Variants in NINL observed in about 807,000 individuals in gnomAD.
NINL encodes the protein ninein like.
In NINL, 153 loss-of-function variants were observed where a neutral mutation model predicts 160.3. The observed-to-expected ratio is 0.95, with a 90% CI of 0.84 to 1.09. NINL has a LOEUF of 1.09. Ranked by LOEUF, NINL falls within the 50% of genes least tolerant of loss-of-function variation. The probability of loss-of-function intolerance (pLI) is 0.00; values close to 1 mark genes in which losing one functional copy is unlikely to be tolerated. For synonymous variants in NINL, 800 were observed against 734.8 expected, an observed-to-expected ratio of 1.09 and a Z score of -1.43; for missense variants, 1,829 against 1,764.0, an observed-to-expected ratio of 1.04 and a Z score of -0.66.
chr20:25,546,891 G>C (rs905673432), intron 1 of NINL, among the ~76,000 whole-genome samples: 1 of 152,100 alleles, frequency 6.6e-6, no homozygotes, highest in African/African-American at 2.4e-5. Flanking sequence ...GAGCCATCAA[G>C]AGGCGTCTCA....
At chr20:25,487,095 T>C (rs1601111286) in intron 13 of NINL, among the ~76,000 whole-genome samples, 1 of 152,300 alleles carries the variant, frequency 6.6e-6, no homozygotes, top group East Asian at 1.9e-4. Context: ...AGTTGTGCTG[T>C]GGCATCACCA....
At chr20:25,543,759 A>C (rs1333457857) in intron 1 of NINL, among the ~76,000 whole-genome samples, 1 of 151,972 alleles carries the variant, frequency 6.6e-6, no homozygotes, top group African/African-American at 2.4e-5. Context: ...AACATTTGTA[A>C]CTCCACTTCA....
At chr20:25,472,366 T>TATATATAC (rs35451260) in intron 17 of NINL, among the ~76,000 whole-genome samples, 4 of 125,858 alleles carry the variant, frequency 3.2e-5, no homozygotes, top group Non-Finnish European at 6.7e-5. Flanking sequence ...TATATATATA[T>TATATATAC]ACTTTTTTTT....
At chr20:25,533,909 T>C (rs1024075495) in intron 1 of NINL, among the ~76,000 whole-genome samples, 6 of 152,352 alleles carry the variant, frequency 3.9e-5, no homozygotes, top group African/African-American at 1.4e-4. Flanking sequence ...TGATGTTGGA[T>C]TTGGCAGTGA....
At chr20:25,464,253 C>G (rs2062857415) in intron 19 of NINL, among the ~76,000 whole-genome samples, 1 of 152,090 alleles carries the variant, frequency 6.6e-6, no homozygotes, top group South Asian at 2.1e-4. Flanking sequence ...CCCATCTCCA[C>G]TAAAAATACA....
At chr20:25,526,333 A>G (rs758478034) in intron 2 of NINL, 75 bp downstream of exon 2, 20 of 1,297,368 alleles carry the variant, frequency 1.5e-5, no homozygotes, top group Non-Finnish European at 1.9e-5. Flanking sequence ...TATTCAGCTG[A>G]TATTTATCAA....
chr20:25,519,500 GT>G (rs1239687107), intron 2 of NINL, among the ~76,000 whole-genome samples: 1 of 151,996 alleles, frequency 6.6e-6, no homozygotes, highest in Non-Finnish European at 1.5e-5. Flanking sequence ...TGTCTAACAT[GT>G]TTTTATTTTA....
intron 1 of NINL, among the ~76,000 whole-genome samples, chr20:25,561,053 TCTCTC>T (rs2064929308): frequency 2.8e-4 from 1 of 3,586 alleles, no homozygotes; most frequent in Non-Finnish European, 9.0e-4. Flanking sequence ...CCTCTCCCTC[TCTCTC>T]TCTTTCCACG....
At chr20:25,521,271 G>A (rs1447699546) in intron 2 of NINL, among the ~76,000 whole-genome samples, 1 of 152,112 alleles carries the variant, frequency 6.6e-6, no homozygotes, top group Non-Finnish European at 1.5e-5. Context: ...TTCAGTTCTA[G>A]ACATTTTATT....
chr20:25,515,888 G>A (rs1420402474), intron 3 of NINL, among the ~76,000 whole-genome samples: 1 of 151,856 alleles, frequency 6.6e-6, no homozygotes, highest in Non-Finnish European at 1.5e-5. Flanking sequence ...CTCCTGCCTC[G>A]GCCTCCCAAG....
At chr20:25,499,945 CAAAAAAA>C (rs11476280) in intron 8 of NINL, among the ~76,000 whole-genome samples, 6 of 61,438 alleles carry the variant, frequency 9.8e-5, no homozygotes, top group South Asian at 6.2e-4. Flanking sequence ...ACCAATTTCG[CAAAAAAA>C]AAAAAAAAAA....
At chr20:25,517,498 C>T (rs568360290) in intron 3 of NINL, among the ~76,000 whole-genome samples, 67 of 152,310 alleles carry the variant, frequency 4.4e-4, no homozygotes, top group African/African-American at 1.5e-3. Context: ...AACAGGATTC[C>T]GATCAGTCAC....
chr20:25,508,654 A>AC (rs1409901966), intron 5 of NINL, among the ~76,000 whole-genome samples: 1 of 152,200 alleles, frequency 6.6e-6, no homozygotes, highest in Non-Finnish European at 1.5e-5. Flanking sequence ...TGGTCCTTCT[A>AC]CAACAGGGGG....
chr20:25,526,303 T>C, intron 2 of NINL, 105 bp downstream of exon 2: 1 of 1,043,024 alleles, frequency 9.6e-7, no homozygotes, highest in African/African-American at 1.6e-5. Context: ...CTAATAACTT[T>C]CCTTTGACAC....
chr20:25,480,913 G>C (rs1307489482), intron 14 of NINL, among the ~76,000 whole-genome samples: 3 of 152,268 alleles, frequency 2.0e-5, no homozygotes, highest in South Asian at 2.1e-4. Context: ...GCGTTTCTGG[G>C]ATGGGTGGCC....
chr20:25,453,193 A>C lies in NINL; in HGVS notation c.*258T>G. The stretch of plus-strand genomic sequence containing the variant: ...CCAGGATCTGGCTCCAGAGAGTGGC[A>C]AAACTGGGAATTTTGCCAAGGGAAA... On this transcript the variant is annotated 3_prime_UTR_variant, in exon 24 of 24. Coordinates refer to ENST00000278886, the MANE Select transcript of NINL (RefSeq NM_025176.6). 1 of 345,622 alleles carries C rather than the reference A, an allele frequency of 2.9e-6. No homozygotes were observed. Among genetic ancestry groups the C allele is most frequent in the Admixed American group, 4.6e-5 (1 of 21,668 alleles). 21.4% of individuals were successfully genotyped at this position (345,622 alleles called of 1,614,324 possible).
intron 1 of NINL, among the ~76,000 whole-genome samples, chr20:25,535,551 CTG>C (rs2064541801): frequency 6.6e-6 from 1 of 151,994 alleles, no homozygotes; most frequent in African/African-American, 2.4e-5. Flanking sequence ...CCTTCATAAA[CTG>C]GGGTGGGGGA....
chr20:25,560,298 G>C (rs1422351728), intron 1 of NINL, among the ~76,000 whole-genome samples: 1 of 152,190 alleles, frequency 6.6e-6, no homozygotes, highest in African/African-American at 2.4e-5. Flanking sequence ...AAGTTGGTCT[G>C]AGACTCCCTT....
chr20:25,528,932 T>C (rs908827358), intron 1 of NINL, among the ~76,000 whole-genome samples: 1 of 152,214 alleles, frequency 6.6e-6, no homozygotes, highest in Non-Finnish European at 1.5e-5. Flanking sequence ...TAAATGCCAG[T>C]TCTATATAGA....
Sources: allele counts gnomAD v4.1 joint callset (sites outside exome capture counted in the v4.1 genomes callset), GRCh38; gene constraint gnomAD v4.1.1; transcripts MANE v1.5; gene names NCBI Gene and HGNC (gene_info 2026-07-23, HGNC 2026-07-21).